The following RSRC1 variants were observed in gnomAD, a reference collection of about 807,000 sequenced individuals.
The protein encoded by RSRC1 is arginine and serine rich coiled-coil 1.
RSRC1 carries 39 observed loss-of-function variants against 49.1 expected under a neutral mutation model. The ratio of observed to expected loss-of-function variants is 0.79; its 90% CI spans 0.61 to 1.04. The LOEUF is 1.04. Among genes scored for constraint, RSRC1 ranks in the 50% least tolerant of loss-of-function variants. The pLI is 0.00. For synonymous variants in RSRC1, 143 were observed against 130.8 expected, an observed-to-expected ratio of 1.09 and a Z score of -0.63; for missense variants, 388 against 402.4, an observed-to-expected ratio of 0.96 and a Z score of 0.31.
At chr3:158,112,467 G>A (rs1714478812) in intron 1 of RSRC1, among the ~76,000 whole-genome samples, 1 of 152,146 alleles carries the variant, frequency 6.6e-6, no homozygotes, top group Non-Finnish European at 1.5e-5. Flanking sequence ...GTGATTTGCT[G>A]TTAGTATTCA....
intron 7 of RSRC1, among the ~76,000 whole-genome samples, chr3:158,466,196 T>C (rs1476286353): frequency 6.6e-6 from 1 of 152,210 alleles, no homozygotes; most frequent in Non-Finnish European, 1.5e-5. Context: ...AATCCTTCCT[T>C]ATTTTCGTAA....
At chr3:158,400,966 C>G (rs1398240895) in intron 6 of RSRC1, among the ~76,000 whole-genome samples, 2 of 151,902 alleles carry the variant, frequency 1.3e-5, no homozygotes, top group Non-Finnish European at 2.9e-5. Context: ...ATCATTTATA[C>G]AATATTTTAA....
chr3:158,485,993 ATCATAACGT>A (rs1738803712), intron 7 of RSRC1, among the ~76,000 whole-genome samples: 1 of 152,284 alleles, frequency 6.6e-6, no homozygotes, highest in East Asian at 1.9e-4. Context: ...GAAAGAAAAA[ATCATAACGT>A]TCATTCAAAA....
chr3:158,498,196 A>G (rs1293497813), intron 7 of RSRC1, among the ~76,000 whole-genome samples: 1 of 151,164 alleles, frequency 6.6e-6, no homozygotes, highest in Non-Finnish European at 1.5e-5. Flanking sequence ...CTAGCAGTGT[A>G]GAAGTGTTCC....
chr3:158,406,987 C>T (rs2108316045), intron 6 of RSRC1, among the ~76,000 whole-genome samples: 1 of 152,150 alleles, frequency 6.6e-6, no homozygotes, highest in Middle Eastern at 3.4e-3. Context: ...GAGGACCCTA[C>T]TGAGAGTATA....
rs560288030 is a variant in RSRC1 at position 158,269,561 on chromosome 3, G to T, written c.495-28478G>T. Among the ~76,000 whole-genome samples the T allele has an allele frequency of 6.6e-5, 10 of 151,682 alleles. No homozygotes were observed. In the South Asian group the frequency reaches 1.2e-3, roughly 19 times the overall value. ...CAGAGTCTTGCTCTATCACCAGGCTGAAGTGCAGTGGCACAATCTCGGCTT... is the reference window on the plus strand; with the variant it reads ...CAGAGTCTTGCTCTATCACCAGGCTTAAGTGCAGTGGCACAATCTCGGCTT... On this transcript the variant is annotated intron_variant, in intron 4 of 9. Coordinates refer to ENST00000611884, the MANE Select transcript of RSRC1 (RefSeq NM_001271838.2).
intron 7 of RSRC1, among the ~76,000 whole-genome samples, chr3:158,503,710 C>T (rs1450552438): frequency 2.0e-5 from 3 of 151,108 alleles, no homozygotes; most frequent in Non-Finnish European, 2.9e-5. Context: ...CCATGCAAAC[C>T]GAAGGGCTGG....
intron 4 of RSRC1, among the ~76,000 whole-genome samples, chr3:158,233,389 G>A (rs1268029648): frequency 1.3e-5 from 2 of 152,096 alleles, no homozygotes; most frequent in African/African-American, 4.8e-5. Flanking sequence ...TTAACAGCAG[G>A]TCTGAAGTGA....
At position 158,358,474 on chromosome 3, in the gene RSRC1, A is replaced by G. The variant is rs1327802953; in HGVS notation, c.583+3566A>G. The stretch of plus-strand genomic sequence containing the variant: ...CGAGACACTAATGAATAGTGGAAAG[A>G]TCCTAAGCCTGCCATCACCACTTGT... On this transcript the variant is annotated intron_variant, in intron 6 of 9. Coordinates refer to ENST00000611884, the MANE Select transcript of RSRC1 (RefSeq NM_001271838.2). 2.0e-5 allele frequency among the ~76,000 whole-genome samples: 3 copies of G among 152,270 alleles called. No individual in the cohort carries two copies. In the East Asian group the frequency reaches 5.8e-4, roughly 29 times the overall value.
chr3:158,329,508 C>A (rs1029327439), intron 5 of RSRC1, among the ~76,000 whole-genome samples: 1 of 152,186 alleles, frequency 6.6e-6, no homozygotes, highest in Non-Finnish European at 1.5e-5. Context: ...TCCACTCCAG[C>A]CCCTGTTTGC....
intron 6 of RSRC1, among the ~76,000 whole-genome samples, chr3:158,440,050 G>A (rs1736295822): frequency 6.6e-6 from 1 of 151,940 alleles, no homozygotes. Context: ...GGGTTGATAG[G>A]TGCAGCAAAC....
chr3:158,269,581 C>T (rs1411568055), intron 4 of RSRC1, among the ~76,000 whole-genome samples: 11 of 151,984 alleles, frequency 7.2e-5, no homozygotes, highest in Non-Finnish European at 1.2e-4. Flanking sequence ...GGCACAATCT[C>T]GGCTTACTGC....
chr3:158,411,788 G>A (rs925811226), intron 6 of RSRC1, among the ~76,000 whole-genome samples: 1 of 152,004 alleles, frequency 6.6e-6, no homozygotes, highest in African/African-American at 2.4e-5. Context: ...TGAGTGTTTA[G>A]GCCATTTTAG....
intron 4 of RSRC1, among the ~76,000 whole-genome samples, chr3:158,290,876 T>A (rs1254018988): frequency 6.6e-6 from 1 of 152,158 alleles, no homozygotes; most frequent in Non-Finnish European, 1.5e-5. Flanking sequence ...ATATGTTTAG[T>A]TCATGACAAA....
chr3:158,454,537 T>C (rs533740788), intron 6 of RSRC1, among the ~76,000 whole-genome samples: 2 of 152,278 alleles, frequency 1.3e-5, no homozygotes, highest in South Asian at 4.1e-4. Flanking sequence ...GTTCATTTCA[T>C]GTATGGAGTT....
intron 3 of RSRC1, among the ~76,000 whole-genome samples, chr3:158,198,777 G>C (rs1436175981): frequency 6.6e-6 from 1 of 152,104 alleles, no homozygotes; most frequent in East Asian, 1.9e-4. Context: ...ATGTAGACTG[G>C]AGCTGTTCGT....
chr3:158,412,130 A>G (rs1248469707), intron 6 of RSRC1, among the ~76,000 whole-genome samples: 4 of 152,042 alleles, frequency 2.6e-5, no homozygotes, highest in African/African-American at 9.7e-5. Context: ...AAGACATTAG[A>G]AAGGGATTTG....
intron 4 of RSRC1, among the ~76,000 whole-genome samples, chr3:158,282,014 A>T (rs1230897966): frequency 1.3e-5 from 2 of 152,174 alleles, no homozygotes; most frequent in South Asian, 2.1e-4. Context: ...TGCCCTCCTC[A>T]TACTGGTACA....
chr3:158,397,065 A>T (rs1733649261), intron 6 of RSRC1, among the ~76,000 whole-genome samples: 1 of 152,146 alleles, frequency 6.6e-6, no homozygotes, highest in South Asian at 2.1e-4. Flanking sequence ...TTGTCTATTT[A>T]AAAAAATCTA....
Sources: gnomAD v4.1 joint callset for allele counts (sites outside exome capture counted in the v4.1 genomes callset) on GRCh38, gnomAD v4.1.1 for gene constraint, MANE v1.5 for transcripts, NCBI Gene and HGNC (gene_info 2026-07-23, HGNC 2026-07-21) for gene names.